Variants in GRM5 observed in about 807,000 individuals in gnomAD.
GRM5 encodes metabotropic glutamate receptor 5.
GRM5 carries 19 observed loss-of-function variants against 83.1 expected under a neutral mutation model. The observed-to-expected ratio is 0.23, with a 90% CI of 0.16 to 0.34. GRM5 has a LOEUF of 0.34. Among genes scored for constraint, GRM5 ranks in the 10% least tolerant of loss-of-function variants. GRM5 has a pLI of 1.00. For missense variants in GRM5, 1,160 were observed against 1,588.3 expected, an observed-to-expected ratio of 0.73 and a Z score of 4.58; for synonymous variants, 675 against 633.6, an observed-to-expected ratio of 1.07 and a Z score of -0.98.
At chr11:88,585,754 T>C (rs1292367976) in intron 7 of GRM5, among the ~76,000 whole-genome samples, 2 of 152,194 alleles carry the variant, frequency 1.3e-5, no homozygotes, top group African/African-American at 4.8e-5. Flanking sequence ...TATTATTACT[T>C]TCAATATTTG....
At chr11:88,591,119 G>A (rs1937632010) in intron 6 of GRM5, among the ~76,000 whole-genome samples, 2 of 152,106 alleles carry the variant, frequency 1.3e-5, no homozygotes, top group Admixed American at 1.3e-4. Context: ...ATTTACCTTA[G>A]CTTCCTTCCC....
intron 4 of GRM5, among the ~76,000 whole-genome samples, chr11:88,628,430 T>C (rs1006600848): frequency 6.6e-6 from 1 of 152,234 alleles, no homozygotes; most frequent in African/African-American, 2.4e-5. Context: ...TTTGTATCAA[T>C]ACTTCATTGG....
At chr11:88,914,387 G>A (rs1945555235) in intron 2 of GRM5, among the ~76,000 whole-genome samples, 1 of 152,188 alleles carries the variant, frequency 6.6e-6, no homozygotes, top group African/African-American at 2.4e-5. Context: ...TCCTAATGGA[G>A]TTTAGTGAGA....
intron 8 of GRM5, among the ~76,000 whole-genome samples, chr11:88,530,365 A>G (rs1199278934): frequency 6.6e-6 from 1 of 152,032 alleles, no homozygotes; most frequent in Admixed American, 6.6e-5. Flanking sequence ...CTTGGCATGA[A>G]AAACTCTCAC....
intron 3 of GRM5, among the ~76,000 whole-genome samples, chr11:88,826,399 C>T (rs1210107832): frequency 6.6e-6 from 1 of 151,526 alleles, no homozygotes; most frequent in Non-Finnish European, 1.5e-5. Flanking sequence ...AAATAAAGGC[C>T]ATTATCAACT....
chr11:88,825,038 C>G (rs1943870012), intron 3 of GRM5, among the ~76,000 whole-genome samples: 1 of 152,160 alleles, frequency 6.6e-6, no homozygotes, highest in South Asian at 2.1e-4. Context: ...GAAAACTTCA[C>G]TAAGCACGAA....
intron 4 of GRM5, among the ~76,000 whole-genome samples, chr11:88,625,338 G>A (rs1420930062): frequency 3.3e-5 from 5 of 152,146 alleles, no homozygotes; most frequent in Non-Finnish European, 5.9e-5. Flanking sequence ...GGCTATACCC[G>A]TGTCCCTGAC....
chr11:88,797,445 T>A (rs1943303117), intron 3 of GRM5, among the ~76,000 whole-genome samples: 1 of 152,166 alleles, frequency 6.6e-6, no homozygotes, highest in African/African-American at 2.4e-5. Context: ...CAGCCCAAGA[T>A]TGGGTTTTTA....
intron 8 of GRM5, among the ~76,000 whole-genome samples, chr11:88,560,284 CATT>C (rs2135160689): frequency 6.6e-6 from 1 of 152,246 alleles, no homozygotes; most frequent in Admixed American, 6.6e-5. Context: ...ATCTTTTAAA[CATT>C]ATTTCTAATT....
chr11:89,032,358 A>G (rs1210906658), intron 2 of GRM5, among the ~76,000 whole-genome samples: 1 of 152,104 alleles, frequency 6.6e-6, no homozygotes, highest in Non-Finnish European at 1.5e-5. Flanking sequence ...TATTTCAATT[A>G]TAATAGAACA....
chr11:89,026,354 T>C (rs555383716), intron 2 of GRM5, among the ~76,000 whole-genome samples: 29 of 152,174 alleles, frequency 1.9e-4, no homozygotes, highest in Non-Finnish European at 4.0e-4. Context: ...AATTAGAAAA[T>C]TTAATGTGAA....
chr11:88,674,522 G>C (rs1406493856), intron 3 of GRM5, among the ~76,000 whole-genome samples: 1 of 151,808 alleles, frequency 6.6e-6, no homozygotes, highest in African/African-American at 2.4e-5. Context: ...TAAAATATCA[G>C]TACTGTTCAT....
intron 4 of GRM5, among the ~76,000 whole-genome samples, chr11:88,622,767 T>A (rs1433497174): frequency 6.6e-6 from 1 of 152,166 alleles, no homozygotes. Context: ...ATCTAGTGTG[T>A]CCTAAAATCC....
At chr11:88,757,517 CT>C (rs1161214963) in intron 3 of GRM5, among the ~76,000 whole-genome samples, 1 of 152,106 alleles carries the variant, frequency 6.6e-6, no homozygotes, top group Non-Finnish European at 1.5e-5. Context: ...GGAACCACCC[CT>C]GCCTGCTCTG....
chr11:88,842,877 T>C (rs942472722), intron 3 of GRM5, among the ~76,000 whole-genome samples: 1 of 152,202 alleles, frequency 6.6e-6, no homozygotes, highest in African/African-American at 2.4e-5. Flanking sequence ...GACTACTTTA[T>C]CTTTGAAATG....
At chr11:88,553,828 T>A (rs1356483685) in intron 8 of GRM5, among the ~76,000 whole-genome samples, 1 of 152,136 alleles carries the variant, frequency 6.6e-6, no homozygotes, top group Non-Finnish European at 1.5e-5. Context: ...GTGATACGTA[T>A]GACCAAAGTA....
intron 2 of GRM5, among the ~76,000 whole-genome samples, chr11:88,976,672 A>G (rs1256328132): frequency 6.6e-6 from 1 of 152,180 alleles, no homozygotes; most frequent in East Asian, 1.9e-4. Context: ...GCACTCTATT[A>G]TATACAGAAG....
chr11:88,842,238 TGTGA>T (rs1479011423), intron 3 of GRM5, among the ~76,000 whole-genome samples: 15 of 152,206 alleles, frequency 9.9e-5, no homozygotes, highest in South Asian at 4.1e-4. Context: ...ATGGTTTGTG[TGTGA>T]GTTTGTCCAA....
Position 88,508,404 on chromosome 11 carries a change from A to G in GRM5, c.*188T>C, listed in dbSNP as rs200542493. ...AAGGCCACTAGAAGAAAATCTGCCAAAAGATTTGTCGTCGGTTTCTTCGTC... is the reference window on the plus strand; with the variant it reads ...AAGGCCACTAGAAGAAAATCTGCCAGAAGATTTGTCGTCGGTTTCTTCGTC... On this transcript the variant is annotated 3_prime_UTR_variant, in exon 10 of 10. Coordinates refer to ENST00000305447, the MANE Select transcript of GRM5 (RefSeq NM_001143831.3). The surrounding 1 kb of genome is among the most constrained non-coding windows in gnomAD (Gnocchi z 4.2). 4.8e-5 allele frequency: 24 copies of G among 494,878 alleles called. No homozygotes were observed. The highest frequency in any genetic ancestry group is 6.7e-5 in the Non-Finnish European group (19 of 283,868). The allele number at this position is 494,878 out of a possible 1,614,324, so 30.7% of individuals were successfully genotyped here.
Sources: gnomAD v4.1 joint callset for allele counts (sites outside exome capture counted in the v4.1 genomes callset) on GRCh38, gnomAD v4.1.1 for gene constraint, Gnocchi (gnomAD v3.1) non-coding constraint, MANE v1.5 for transcripts, NCBI Gene and HGNC (gene_info 2026-07-23, HGNC 2026-07-21) for gene names.